The following CUX2 variants were observed in gnomAD, a reference collection of about 807,000 sequenced individuals.
The protein encoded by CUX2 is homeobox protein cut-like 2.
Under a neutral mutation model 144.8 loss-of-function variants are expected in CUX2, and 40 were observed. The observed-to-expected ratio is 0.28, with a 90% CI of 0.21 to 0.36. The LOEUF (loss-of-function observed/expected upper bound fraction) is 0.36, where lower values mean the gene tolerates loss of function less well. Among genes scored for constraint, CUX2 ranks in the 10% least tolerant of loss-of-function variants. The pLI is 1.00. For synonymous variants in CUX2, 827 were observed against 875.6 expected, an observed-to-expected ratio of 0.94 and a Z score of 0.98; for missense variants, 1,615 against 1,994.0, an observed-to-expected ratio of 0.81 and a Z score of 3.62.
Position 111,320,796 on chromosome 12 carries a change from C to T in CUX2, c.2766+21C>T, listed in dbSNP as rs1887488367. The T allele has an allele frequency of 2.0e-6, 3 of 1,482,550 alleles. No homozygotes were observed. Among genetic ancestry groups the T allele is most frequent in the Non-Finnish European group, 1.8e-6 (2 of 1,119,434 alleles). The allele number at this position is 1,482,550 out of a possible 1,614,324, so 91.8% of individuals were successfully genotyped here. On this transcript the variant is annotated intron_variant, in intron 17 of 21. Transcript: ENST00000261726. The surrounding 1 kb of genome is among the most constrained non-coding windows in gnomAD (Gnocchi z 8.1). The stretch of plus-strand genomic sequence containing the variant: ...AGAAGGTGAGTGCAGGGCGGGCCCC[C>T]GGTGTCTGGGCTCTGGGAGAAGATG...
rs1438221233 is a variant in CUX2, at chr12:111,293,968, C to T, written c.560+399C>T. Among the ~76,000 whole-genome samples, 4 of 152,234 alleles carry T rather than the reference C, an allele frequency of 2.6e-5. No homozygotes were observed. Among genetic ancestry groups the T allele is most frequent in the Admixed American group, 2.6e-4 (4 of 15,282 alleles). On this transcript the variant is annotated intron_variant, in intron 6 of 21. Coordinates refer to ENST00000261726, the MANE Select transcript of CUX2 (RefSeq NM_015267.4). This position sits in a 1 kb window ranked among gnomAD's most constrained non-coding sequence, Gnocchi z 4.5. ...ATTGGTAGAGCAGGAGTTGGTGCTGCAATCTTTTTAAATTTTATTTTACAA... is the reference window on the plus strand; with the variant it reads ...ATTGGTAGAGCAGGAGTTGGTGCTGTAATCTTTTTAAATTTTATTTTACAA...
intron 4 of CUX2, among the ~76,000 whole-genome samples, chr12:111,278,569 T>C (rs1365759593): frequency 6.6e-6 from 1 of 152,120 alleles, no homozygotes; most frequent in Non-Finnish European, 1.5e-5. Flanking sequence ...AATAATTTCA[T>C]CACTTATCAC....
chr12:111,338,267 T>C lies in CUX2; in HGVS notation c.3197-19T>C. 6.3e-7 allele frequency: 1 copy of C among 1,584,098 alleles called. No individual in the cohort carries two copies. ...TGCCCAGCCTCGGGTAACAGATTGC[T>C]CCCCTCCCCTATCCCCAGGGCAGCG... On this transcript the variant is annotated intron_variant, in intron 19 of 21. Transcript: ENST00000261726.
intron 19 of CUX2, among the ~76,000 whole-genome samples, chr12:111,336,738 G>A (rs1052368096): frequency 3.3e-5 from 5 of 151,800 alleles, no homozygotes; most frequent in Non-Finnish European, 2.9e-5. Flanking sequence ...GTGAGCCACC[G>A]TGCCCAGCCC....
intron 1 of CUX2, among the ~76,000 whole-genome samples, chr12:111,070,297 C>T (rs1592863609): frequency 6.6e-6 from 1 of 152,212 alleles, no homozygotes; most frequent in East Asian, 1.9e-4. Flanking sequence ...CCGTTGTTAA[C>T]ACTATCTATG....
At chr12:111,130,368 C>A (rs1008754576) in intron 1 of CUX2, among the ~76,000 whole-genome samples, 1 of 152,224 alleles carries the variant, frequency 6.6e-6, no homozygotes, top group African/African-American at 2.4e-5. Flanking sequence ...TCTAGGAACA[C>A]CATCACCAAC....
In CUX2 at chr12:111,047,633, C is replaced by T. The variant is rs77521352; in HGVS notation, c.63+13393C>T. ...AGGCCCAGGGAGGTTCATTTACTAGCCCAAGGTCACACAAGACTCGAACCC... is the reference window on the plus strand; with the variant it reads ...AGGCCCAGGGAGGTTCATTTACTAGTCCAAGGTCACACAAGACTCGAACCC... On this transcript the variant is annotated intron_variant, in intron 1 of 21. Coordinates refer to ENST00000261726, the MANE Select transcript of CUX2 (RefSeq NM_015267.4). Among the ~76,000 whole-genome samples, 272 of 152,258 alleles carry T rather than the reference C, an allele frequency of 1.8e-3. 2 individuals are homozygous for T. The East Asian group carries it at 0.039, about 22-fold the overall frequency.
chr12:111,066,431 G>C (rs1203555558), intron 1 of CUX2, among the ~76,000 whole-genome samples: 1 of 152,174 alleles, frequency 6.6e-6, no homozygotes, highest in Non-Finnish European at 1.5e-5. Flanking sequence ...GTAGCCTCCT[G>C]CTTCACTGGT....
intron 1 of CUX2, among the ~76,000 whole-genome samples, chr12:111,098,772 TC>T (rs1439709975): frequency 4.6e-5 from 7 of 152,210 alleles, no homozygotes; most frequent in Non-Finnish European, 8.8e-5. Flanking sequence ...CTTCGTGAGT[TC>T]AGAGGAGGAG....
chr12:111,209,335 G>A (rs1432160448), intron 1 of CUX2, among the ~76,000 whole-genome samples: 5 of 152,130 alleles, frequency 3.3e-5, no homozygotes, highest in East Asian at 1.9e-4. Flanking sequence ...TGAAGGCTGC[G>A]GTGAGCTGTG....
intron 4 of CUX2, among the ~76,000 whole-genome samples, chr12:111,276,179 T>A: frequency 6.6e-6 from 1 of 152,002 alleles, no homozygotes; most frequent in Non-Finnish European, 1.5e-5. Context: ...ACAGCAAGAC[T>A]CTGTCTCTAC....
intron 4 of CUX2, among the ~76,000 whole-genome samples, chr12:111,265,307 TA>T (rs1884327357): frequency 6.9e-6 from 1 of 144,546 alleles, no homozygotes. Flanking sequence ...TATTTTATTT[TA>T]TTTTTATTTT....
At chr12:111,227,244 C>T (rs530426687) in intron 3 of CUX2, among the ~76,000 whole-genome samples, 1 of 152,310 alleles carries the variant, frequency 6.6e-6, no homozygotes, top group South Asian at 2.1e-4. Context: ...AGGAGCGGCA[C>T]TGAATTCCGG....
At chr12:111,225,843 G>T (rs1882107521) in intron 3 of CUX2, among the ~76,000 whole-genome samples, 1 of 152,220 alleles carries the variant, frequency 6.6e-6, no homozygotes, top group Non-Finnish European at 1.5e-5. Context: ...TGTGTATCCA[G>T]CCCAGAACTT....
In CUX2 at chr12:111,289,916, A is replaced by G. The variant is rs943563408; in HGVS notation, c.302-1502A>G. ...CCTGGGAGCATCTAGACCCCCACAT[A>G]GCCTACAGAAGTGCTGGCCGAGGCC... On this transcript the variant is annotated intron_variant, in intron 4 of 21. Transcript: ENST00000261726. This position sits in a 1 kb window ranked among gnomAD's most constrained non-coding sequence, Gnocchi z 4.1. 1.3e-4 allele frequency among the ~76,000 whole-genome samples: 20 copies of G among 152,204 alleles called. No individual in the cohort carries two copies. The highest frequency in any genetic ancestry group is 1.3e-4 in the Admixed American group (2 of 15,274).
chr12:111,310,383 A>C lies in CUX2; in HGVS notation c.1601A>C (p.Glu534Ala), dbSNP rs769164618. The change falls in exon 15 of 22, where the codon GAG (glutamate) becomes GCG (alanine). Residue 534 changes from glutamate to alanine, a missense_variant. Glu to Ala is a moderately radical substitution (Grantham distance 107). Around this residue, in one of 12 missense-constraint regions of CUX2, gnomAD observed 154 missense variants for 148.4 expected, o/e 1.04. Coordinates refer to ENST00000261726, the MANE Select transcript of CUX2 (RefSeq NM_015267.4). The surrounding 1 kb of genome is among the most constrained non-coding windows in gnomAD (Gnocchi z 7.9). Reference protein sequence around the residue: ...APGPEPLGGPEPADGGGGGAA... With the variant: ...APGPEPLGGPAPADGGGGGAA... ...GGCCCTGAGCCACTGGGCGGTCCTGAGCCCGCGGATGGTGGTGGGGGCGGA... is the reference window on the plus strand; with the variant it reads ...GGCCCTGAGCCACTGGGCGGTCCTGCGCCCGCGGATGGTGGTGGGGGCGGA... 2 of 1,603,060 alleles carry C rather than the reference A, an allele frequency of 1.2e-6. No homozygotes were observed. The highest frequency in any genetic ancestry group is 2.2e-5 in the East Asian group (1 of 44,650).
At chr12:111,300,724 G>A (rs1053254459) in intron 9 of CUX2, among the ~76,000 whole-genome samples, 9 of 152,116 alleles carry the variant, frequency 5.9e-5, no homozygotes, top group Non-Finnish European at 8.8e-5. Flanking sequence ...GAGCATGGCT[G>A]TATTCCAATA....
rs1205630049 is a variant in CUX2, at chr12:111,295,061, A to C, written c.561-272A>C. ...GAAACCTCATTTTAAAAATAAGGAAACTGAGGACCAGAGAGGTTGCTTGCT... is the reference window on the plus strand; with the variant it reads ...GAAACCTCATTTTAAAAATAAGGAACCTGAGGACCAGAGAGGTTGCTTGCT... On this transcript the variant is annotated intron_variant, in intron 6 of 21. Coordinates refer to ENST00000261726, the MANE Select transcript of CUX2 (RefSeq NM_015267.4). This position sits in a 1 kb window ranked among gnomAD's most constrained non-coding sequence, Gnocchi z 5.0. Among the ~76,000 whole-genome samples the C allele has an allele frequency of 3.3e-5, 5 of 152,292 alleles. No individual in the cohort carries two copies. The East Asian group carries it at 9.6e-4, about 29-fold the overall frequency.
intron 1 of CUX2, among the ~76,000 whole-genome samples, chr12:111,121,117 A>C (rs1282783180): frequency 2.0e-5 from 3 of 151,578 alleles, no homozygotes; most frequent in Admixed American, 6.6e-5. Flanking sequence ...AAAAAAAAAA[A>C]AACAACCCAC....
Sources: allele counts gnomAD v4.1 joint callset (sites outside exome capture counted in the v4.1 genomes callset), GRCh38; gene constraint gnomAD v4.1.1; regional missense constraint gnomAD v4.1.1; non-coding constraint Gnocchi (gnomAD v3.1); transcripts MANE v1.5; gene names NCBI Gene and HGNC (gene_info 2026-07-23, HGNC 2026-07-21).